Variants in AHSG observed in about 807,000 individuals in gnomAD.
AHSG encodes alpha-2-HS-glycoprotein.
AHSG carries 23 observed loss-of-function variants against 30.1 expected under a neutral mutation model. The observed-to-expected ratio is 0.76, with a 90% CI of 0.55 to 1.08. The LOEUF (loss-of-function observed/expected upper bound fraction) is 1.08. Ranked by LOEUF, AHSG falls within the 50% of genes least tolerant of loss-of-function variation. The probability of loss-of-function intolerance (pLI) is 0.00; values close to 1 mark genes in which losing one functional copy is unlikely to be tolerated. For synonymous variants in AHSG, 164 were observed against 186.3 expected, an observed-to-expected ratio of 0.88 and a Z score of 0.98; for missense variants, 469 against 459.5, an observed-to-expected ratio of 1.02 and a Z score of -0.19.
intron 4 of AHSG, 160 bp downstream of exon 4, chr3:186,617,510 G>T: frequency 2.2e-6 from 3 of 1,363,078 alleles, no homozygotes; most frequent in Non-Finnish European, 3.1e-6. Context: ...TCCTAAGGGG[G>T]TATGAGGCTC....
chr3:186,619,910 T>G lies in AHSG; in HGVS notation c.729T>G (p.Val243=). Residue 243 remains valine (V), a synonymous_variant, in exon 6 of 7, where the codon GTT becomes GTG. Coordinates refer to ENST00000411641, the MANE Select transcript of AHSG (RefSeq NM_001622.4). ...GTGAGAAGCTTGGTGGGGCAGAGGT[T>G]GCAGTGACCTGCATGGTGTTCCAAA... ...TLSEKLGGAE[V]AVTCMVFQTQ... 6.2e-7 allele frequency: 1 copy of G among 1,613,618 alleles called. No homozygotes were observed. The highest frequency in any genetic ancestry group is 8.5e-7 in the Non-Finnish European group (1 of 1,179,874).
At chr3:186,613,432 C>T in intron 1 of AHSG, 78 bp downstream of exon 1, 2 of 1,315,242 alleles carry the variant, frequency 1.5e-6, no homozygotes, top group South Asian at 2.9e-5. Flanking sequence ...ATCACCATCA[C>T]CCAGTGCAAA....
In AHSG at chr3:186,616,496, C is replaced by T. The variant is rs1342355816; in HGVS notation, c.378C>T (p.Ser126=). The change falls in exon 3 of 7, where the codon TCC becomes TCT. Residue 126 remains serine, a synonymous_variant. Coordinates refer to ENST00000411641, the MANE Select transcript of AHSG (RefSeq NM_001622.4). ...FQLLKLDGKF[S]VVYAKCDSSP... ...TGTTGAAACTAGATGGCAAGTTTTC[C>T]GTGGTATACGCAAAATGTGATTCCA... 1 of 1,612,830 alleles carries T rather than the reference C, an allele frequency of 6.2e-7. No homozygotes were observed. Among genetic ancestry groups the T allele is most frequent in the South Asian group, 1.1e-5 (1 of 90,670 alleles).
intron 4 of AHSG, chr3:186,617,966 T>A: frequency 6.3e-6 from 1 of 159,122 alleles, no homozygotes; most frequent in Non-Finnish European, 1.4e-5. Context: ...AATATGTGAT[T>A]CTCAGAACAT....
Position 186,618,651 on chromosome 3 carries a change from G to T in AHSG, c.675+14G>T, listed in dbSNP as rs1469401643. 6.2e-7 allele frequency: 1 copy of T among 1,613,392 alleles called. No individual in the cohort carries two copies. Among genetic ancestry groups the T allele is most frequent in the South Asian group, 1.1e-5 (1 of 90,956 alleles). On this transcript the variant is annotated intron_variant, in intron 5 of 6. Transcript: ENST00000411641. ...CTGGCAGAAAAGGTGAGTGGGCCGGGACCTTGGGGTGTTACCACTCGGACA... is the reference window on the plus strand; with the variant it reads ...CTGGCAGAAAAGGTGAGTGGGCCGGTACCTTGGGGTGTTACCACTCGGACA...
intron 1 of AHSG, among the ~76,000 whole-genome samples, chr3:186,614,576 C>G (rs1216927552): frequency 6.6e-6 from 1 of 152,190 alleles, no homozygotes; most frequent in Non-Finnish European, 1.5e-5. Flanking sequence ...TAGGAGGAAA[C>G]GCTGATCAAG....
At position 186,620,786 on chromosome 3, in the gene AHSG, C is replaced by T. The variant is rs754101947; in HGVS notation, c.960C>T (p.Phe320=). ...CGCACTACGACCTGCGCCACACCTT[C>T]ATGGGTGTGGTCTCATTGGGGTCAC... ...HRAHYDLRHT[F]MGVVSLGSPS... Residue 320 remains phenylalanine, a synonymous_variant, in exon 7 of 7, where the codon TTC becomes TTT. Transcript: ENST00000411641. 50 of 1,614,102 alleles carry T rather than the reference C, an allele frequency of 3.1e-5. No homozygotes were observed. Among genetic ancestry groups the T allele is most frequent in the Non-Finnish European group, 1.9e-5 (23 of 1,180,048 alleles).
rs1410751309 is a variant in AHSG, at chr3:186,618,591, C to T, written c.629C>T (p.Ala210Val). Residue 210 changes from alanine to valine, a missense_variant, in exon 5 of 7, where the codon GCT becomes GTT. Ala to Val is a moderately conservative substitution (Grantham distance 64, BLOSUM62 0). Transcript: ENST00000411641. ...ACAGTGTCTGGCACTGACTGTGTTG[C>T]TAAAGAGGCCACAGAGGCAGCCAAG... The part of the protein sequence containing the change: ...EFTVSGTDCV[A>V]KEATEAAKCN... The T allele has an allele frequency of 7.4e-6, 12 of 1,614,116 alleles. No homozygotes were observed. Among genetic ancestry groups the T allele is most frequent in the Non-Finnish European group, 9.3e-6 (11 of 1,179,996 alleles).
At chr3:186,617,450 G>A (rs367586699) in intron 4 of AHSG, 100 bp downstream of exon 4, 2 of 1,595,098 alleles carry the variant, frequency 1.3e-6, no homozygotes, top group African/African-American at 2.7e-5. Context: ...CAGGCGCAGG[G>A]GCAGCGATGA....
At chr3:186,615,411 C>A (rs1407798806) in intron 1 of AHSG, among the ~76,000 whole-genome samples, 1 of 152,176 alleles carries the variant, frequency 6.6e-6, no homozygotes, top group African/African-American at 2.4e-5. Context: ...GGCTGTGGCT[C>A]CATCGACTTG....
intron 1 of AHSG, 77 bp downstream of exon 1, chr3:186,613,431 A>ACGCCTGTAAT: frequency 7.6e-7 from 1 of 1,315,878 alleles, no homozygotes. Flanking sequence ...AATCACCATC[A>ACGCCTGTAAT]CCCAGTGCAA....
rs1338273673 is a variant in AHSG at position 186,618,623 on chromosome 3, C to G, written c.661C>G (p.Leu221Val). 1.1e-5 allele frequency: 17 copies of G among 1,614,096 alleles called. No individual in the cohort carries two copies. The highest frequency in any genetic ancestry group is 1.4e-5 in the Non-Finnish European group (17 of 1,179,970). Residue 221 changes from leucine to valine, a missense_variant, in exon 5 of 7, where the codon CTG becomes GTG. Leu to Val is a conservative substitution (Grantham distance 32). Transcript: ENST00000411641. ...KEATEAAKCNLLAEKQYGFCK... is the reference protein window; with the variant it reads ...KEATEAAKCNVLAEKQYGFCK... Reference sequence around the variant, plus strand: ...GGCCACAGAGGCAGCCAAGTGTAACCTGCTGGCAGAAAAGGTGAGTGGGCC... The same window carrying G: ...GGCCACAGAGGCAGCCAAGTGTAACGTGCTGGCAGAAAAGGTGAGTGGGCC...
intron 1 of AHSG, among the ~76,000 whole-genome samples, chr3:186,613,659 G>GACC (rs1472710696): frequency 6.6e-6 from 1 of 152,168 alleles, no homozygotes; most frequent in Admixed American, 6.5e-5. Flanking sequence ...GGACCCAAGA[G>GACC]ACCAGCTCCT....
Position 186,617,313 on chromosome 3 carries a change from A to G in AHSG, c.536A>G (p.Asn179Ser), listed in dbSNP as rs370989005. Residue 179 changes from asparagine (N) to serine (S), a missense_variant, in exon 4 of 7, where the codon AAT becomes AGT. Asn to Ser is a conservative substitution (Grantham distance 46). Coordinates refer to ENST00000411641, the MANE Select transcript of AHSG (RefSeq NM_001622.4). ...TTCAACGCTCAGAACAACGGCTCCA[A>G]TTTTCAGCTGGAGGAAATTTCCCGG... ...AAFNAQNNGSNFQLEEISRAQ... is the reference protein window; with the variant it reads ...AAFNAQNNGSSFQLEEISRAQ... 20 of 1,614,040 alleles carry G rather than the reference A, an allele frequency of 1.2e-5. No individual in the cohort carries two copies. In the African/African-American group the frequency reaches 1.9e-4, roughly 15 times the overall value.
intron 6 of AHSG, 66 bp from the exon 7 acceptor site, chr3:186,620,520 G>T: frequency 1.4e-6 from 2 of 1,405,314 alleles, no homozygotes; most frequent in South Asian, 2.7e-5. Flanking sequence ...GTGCCACCTG[G>T]GCCTGTGGGT....
At chr3:186,619,614 C>T (rs1422582391) in intron 5 of AHSG, among the ~76,000 whole-genome samples, 2 of 152,034 alleles carry the variant, frequency 1.3e-5, no homozygotes, top group East Asian at 3.8e-4. Context: ...GAAAGAAATG[C>T]ATCAATGTTA....
At chr3:186,620,024 G>A (rs1716430158) in intron 6 of AHSG, 84 bp downstream of exon 6, 2 of 1,017,694 alleles carry the variant, frequency 2.0e-6, no homozygotes, top group East Asian at 2.5e-5. Flanking sequence ...GTGATGACAG[G>A]ACATTTGCTC....
At chr3:186,620,279 C>T (rs112614969) in intron 6 of AHSG, among the ~76,000 whole-genome samples, 1 of 152,256 alleles carries the variant, frequency 6.6e-6, no homozygotes, top group Admixed American at 6.5e-5. Flanking sequence ...CTTCAGATGA[C>T]AAAGAGGGTG....
At chr3:186,620,011 G>A in intron 6 of AHSG, 71 bp downstream of exon 6, 4 of 1,171,120 alleles carry the variant, frequency 3.4e-6, no homozygotes, top group South Asian at 2.9e-5. Flanking sequence ...ATGCAGTGCA[G>A]TAGTGATGAC....
Sources: allele counts gnomAD v4.1 joint callset (sites outside exome capture counted in the v4.1 genomes callset), GRCh38; gene constraint gnomAD v4.1.1; transcripts MANE v1.5; gene names NCBI Gene and HGNC (gene_info 2026-07-23, HGNC 2026-07-21).